The following OPA3 variants were observed in gnomAD, a reference collection of about 807,000 sequenced individuals.
OPA3 encodes the protein optic atrophy 3 protein.
In OPA3, 6 loss-of-function variants were observed where a neutral mutation model predicts 4.0. The ratio of observed to expected loss-of-function variants is 1.51; its 90% CI spans 0.83 to 2.99. The LOEUF (loss-of-function observed/expected upper bound fraction) is 2.99. Ranked by LOEUF, OPA3 falls within the 30% of genes most tolerant of loss-of-function variation. The probability of loss-of-function intolerance (pLI) is 0.00; values close to 1 mark genes in which losing one functional copy is unlikely to be tolerated. For missense variants in OPA3, 235 were observed against 256.2 expected (o/e 0.92, Z 0.56); for synonymous variants, 105 against 117.1 (o/e 0.90, Z 0.67).
chr19:45,554,704 T>C (rs1969394944), intron 1 of OPA3, among the ~76,000 whole-genome samples: 1 of 152,264 alleles, frequency 6.6e-6, no homozygotes, highest in African/African-American at 2.4e-5. Context: ...GGAACCCTTG[T>C]GTGGTGCCTT....
downstream of OPA3, among the ~76,000 whole-genome samples, chr19:45,541,802 C>T (rs1260698149): frequency 2.6e-5 from 4 of 152,214 alleles, no homozygotes; most frequent in African/African-American, 9.6e-5. Flanking sequence ...TGGGCTCAAG[C>T]GATCCTCCCA....
At chr19:45,570,937 T>A (rs1969653921) in intron 1 of OPA3, among the ~76,000 whole-genome samples, 1 of 127,410 alleles carries the variant, frequency 7.8e-6, no homozygotes, top group Admixed American at 8.8e-5. Flanking sequence ...TACTTAATAA[T>A]GTCTGCATAG....
At position 45,580,239 on chromosome 19, in the gene OPA3, C is replaced by T. The variant is rs867618707; in HGVS notation, c.142+4384G>A. On this transcript the variant is annotated intron_variant, in intron 1 of 1. Transcript: ENST00000263275. ...CTTGAAATTTGACTTCGTGATCTGC[C>T]CACCTTGGCCTCCCAAAGTGTTGGG... Among the ~76,000 whole-genome samples the T allele has an allele frequency of 2.0e-5, 3 of 151,206 alleles. No individual in the cohort carries two copies. In the East Asian group the frequency reaches 5.8e-4, roughly 29 times the overall value.
rs1969039406 is a variant in OPA3, at chr19:45,529,824, G to A, written c.143-368C>T. 1.3e-5 allele frequency among the ~76,000 whole-genome samples: 2 copies of A among 152,080 alleles called. 1 individual carries two copies. The highest frequency in any genetic ancestry group is 4.1e-4 in the South Asian group (2 of 4,832). On this transcript the variant is annotated intron_variant, in intron 1 of 1. Transcript: ENST00000323060. Reference sequence around the variant, plus strand: ...CAGCTTACTGCAGCCTCGAACTCCTGGGCTCAAGCGATCCTCCTCCCGCCT... The same window carrying A: ...CAGCTTACTGCAGCCTCGAACTCCTAGGCTCAAGCGATCCTCCTCCCGCCT...
rs571824613 is a variant in OPA3, at chr19:45,554,883, CA to C, written c.143-973del. ...TTGGCTCACTGCAACCTCCTCCTCC[CA>C]GGTTCAAGCAATTCCCCTGCCTCAG... On this transcript the variant is annotated intron_variant, in intron 1 of 1. Transcript: ENST00000263275. Among the ~76,000 whole-genome samples, 440 of 152,304 alleles carry C rather than the reference CA, an allele frequency of 2.9e-3. 1 individual carries two copies. Among genetic ancestry groups the C allele is most frequent in the Non-Finnish European group, 5.1e-3 (349 of 68,028 alleles).
chr19:45,553,623 G>GGCGCCGCCTGCACCTGCGCCT lies in OPA3; in HGVS notation c.410_430dup (p.Gln137_Ala143dup), dbSNP rs1568402302. 6.2e-7 allele frequency: 1 copy of GGCGCCGCCTGCACCTGCGCCT among 1,607,176 alleles called. No individual in the cohort carries two copies. The highest frequency in any genetic ancestry group is 8.5e-7 in the Non-Finnish European group (1 of 1,178,642). ...CAGTTCCTCCAGGGCGCCCTGTGGC[G>GGCGCCGCCTGCACCTGCGCCT]GCGCCGCCTGCACCTGCGCCTGCAG... On this transcript the variant is annotated inframe_insertion, in exon 2 of 2. Transcript: ENST00000263275.
chr19:45,584,372 A>G (rs1969900190), intron 1 of OPA3: 1 of 985,206 alleles, frequency 1.0e-6, no homozygotes, highest in Admixed American at 6.2e-5. Flanking sequence ...TCAGTCTCCA[A>G]GCGCTCTCTT....
chr19:45,560,642 C>A (rs573868784), intron 1 of OPA3, among the ~76,000 whole-genome samples: 1 of 152,162 alleles, frequency 6.6e-6, no homozygotes, highest in Admixed American at 6.5e-5. Context: ...ACCCTTTCCT[C>A]GGCCTCAGTG....
At chr19:45,539,422 T>C (rs57601833) in intron 1 of OPA3, among the ~76,000 whole-genome samples, 21,317 of 152,076 alleles carry the variant, frequency 0.14, 1,584 homozygotes, top group South Asian at 0.27. Context: ...CGAAACCCCT[T>C]CTCTACAAAA....
At chr19:45,542,029 A>G (rs1969191276), downstream of OPA3, among the ~76,000 whole-genome samples, 2 of 152,192 alleles carry the variant, frequency 1.3e-5, no homozygotes, top group African/African-American at 2.4e-5. Flanking sequence ...GCAACCCAAC[A>G]GACAGGCTCC....
In OPA3 at chr19:45,548,805, A is replaced by ATTTAT. The variant is rs1316121471; in HGVS notation, c.*4704_*4708dup. The ATTTAT allele has an allele frequency of 1.3e-6, 1 of 761,948 alleles. No individual in the cohort carries two copies. Among genetic ancestry groups the ATTTAT allele is most frequent in the Non-Finnish European group, 1.6e-6 (1 of 627,470 alleles). 47.2% of individuals were successfully genotyped at this position (761,948 alleles called of 1,614,324 possible). ...TGACATGGACCTTATTTATTTATTT[A>ATTTAT]TTTATTTATTTATTTAGAGATGAAG... On this transcript the variant is annotated 3_prime_UTR_variant, in exon 2 of 2. Transcript: ENST00000263275.
intron 1 of OPA3, among the ~76,000 whole-genome samples, chr19:45,569,893 C>T (rs1969635959): frequency 6.6e-6 from 1 of 152,182 alleles, no homozygotes; most frequent in Admixed American, 6.5e-5. Context: ...CAACCAAGAA[C>T]AGGCCTTCCT....
rs747411447 is a variant in OPA3, at chr19:45,549,041, G to T, written c.*4473C>A. 1 of 809,884 alleles carries T rather than the reference G, an allele frequency of 1.2e-6. No individual in the cohort carries two copies. Among genetic ancestry groups the T allele is most frequent in the African/African-American group, 1.9e-5 (1 of 53,450 alleles). The allele number at this position is 809,884 out of a possible 1,614,324, so 50.2% of individuals were successfully genotyped here. A position where few individuals can be genotyped will look rare whatever the true frequency, so the allele number is the denominator to read the frequency against. On this transcript the variant is annotated 3_prime_UTR_variant, in exon 2 of 2. Transcript: ENST00000263275. ...GTTGGTCTTGAACTCCTGACCTCAG[G>T]TGATCCACCCACCCTGGCCTCCCAA...
At position 45,584,750 on chromosome 19, in the gene OPA3, C is replaced by T. The variant is rs763315476; in HGVS notation, c.15G>A (p.Ala5=). 6.2e-7 allele frequency: 1 copy of T among 1,613,864 alleles called. No homozygotes were observed. The highest frequency in any genetic ancestry group is 1.3e-5 in the African/African-American group (1 of 74,928). Residue 5 remains alanine, a synonymous_variant, in exon 1 of 2, where the codon GCG becomes GCA. Transcript: ENST00000263275. The stretch of plus-strand genomic sequence containing the variant: ...AGTATAGCAGCTTCGCCATAGGGAA[C>T]GCGCCCACCACCATCTTGGCGGTCT... MVVG[A]FPMAKLLYLG... is the part of the protein sequence containing the mutation.
intron 1 of OPA3, among the ~76,000 whole-genome samples, chr19:45,563,495 C>T (rs1372392517): frequency 6.6e-6 from 1 of 151,814 alleles, no homozygotes; most frequent in Non-Finnish European, 1.5e-5. Context: ...GACCCTCTGA[C>T]ACTATAATCT....
intron 1 of OPA3, among the ~76,000 whole-genome samples, chr19:45,576,167 G>A (rs1380588592): frequency 6.6e-6 from 1 of 152,040 alleles, no homozygotes; most frequent in Non-Finnish European, 1.5e-5. Context: ...AGGTTGCAGG[G>A]AGCTGAGATC....
chr19:45,554,939 C>G (rs185107484), intron 1 of OPA3, among the ~76,000 whole-genome samples: 8 of 152,220 alleles, frequency 5.3e-5, no homozygotes, highest in Non-Finnish European at 1.0e-4. Context: ...TACAGGCACG[C>G]GCCACCATGC....
In OPA3 at chr19:45,558,795, G is replaced by A. The variant is rs192816304; in HGVS notation, c.143-4884C>T. Among the ~76,000 whole-genome samples the A allele has an allele frequency of 2.5e-3, 385 of 151,450 alleles. 2 individuals carry two copies. Among genetic ancestry groups the A allele is most frequent in the African/African-American group, 8.7e-3 (357 of 41,234 alleles). On this transcript the variant is annotated intron_variant, in intron 1 of 1. Coordinates refer to ENST00000263275, the MANE Select transcript of OPA3 (RefSeq NM_025136.4). ...GCTGGAGTGCAGTGGCATGATCTCC[G>A]CTCTGCAATGCAGTGGCCATGGAAA... is the stretch of plus-strand genomic sequence containing the variant.
chr19:45,569,332 A>G (rs1209520664), intron 1 of OPA3, among the ~76,000 whole-genome samples: 2 of 151,298 alleles, frequency 1.3e-5, no homozygotes, highest in Non-Finnish European at 2.9e-5. Context: ...GGTGGCGGGC[A>G]CCTGTAGTCA....
Sources: allele counts gnomAD v4.1 joint callset (sites outside exome capture counted in the v4.1 genomes callset), GRCh38; gene constraint gnomAD v4.1.1; transcripts MANE v1.5; gene names NCBI Gene and HGNC (gene_info 2026-07-23, HGNC 2026-07-21).